Variants in BMAL1 observed in about 807,000 individuals in gnomAD.
BMAL1 encodes the protein basic helix-loop-helix ARNT like 1, also known as basic helix-loop-helix ARNT-like protein 1.
At chr11:13,339,726 C>G in the BMAL1 span, among the ~76,000 whole-genome samples, 13 of 152,264 alleles carry the variant, frequency 8.5e-5, no homozygotes, top group Admixed American at 7.8e-4. Context: ...CTCCTCCTGT[C>G]CAGCCTCCTT....
the BMAL1 span, among the ~76,000 whole-genome samples, chr11:13,371,545 G>A: frequency 6.6e-6 from 1 of 152,132 alleles, no homozygotes; most frequent in East Asian, 1.9e-4. Context: ...CTGTCTTCCA[G>A]TTCATACGTC....
At chr11:13,340,574 T>C in the BMAL1 span, among the ~76,000 whole-genome samples, 1 of 152,300 alleles carries the variant, frequency 6.6e-6, no homozygotes, top group Admixed American at 6.5e-5. Context: ...TATGAAATGC[T>C]GCGCTCTGGA....
At chr11:13,315,890 C>T in the BMAL1 span, among the ~76,000 whole-genome samples, 1 of 152,184 alleles carries the variant, frequency 6.6e-6, no homozygotes, top group Non-Finnish European at 1.5e-5. Context: ...AGAGCCAGCC[C>T]AGGCCTCCCC....
At chr11:13,346,216 C>T in the BMAL1 span, among the ~76,000 whole-genome samples, 1 of 152,238 alleles carries the variant, frequency 6.6e-6, no homozygotes, top group Non-Finnish European at 1.5e-5. Flanking sequence ...CACTTCTGCC[C>T]TCATTCACTG....
chr11:13,326,769 T>G, the BMAL1 span, among the ~76,000 whole-genome samples: 1 of 151,610 alleles, frequency 6.6e-6, no homozygotes, highest in Non-Finnish European at 1.5e-5. Flanking sequence ...AATACAGAGT[T>G]GTGATAAAAA....
the BMAL1 span, among the ~76,000 whole-genome samples, chr11:13,323,421 A>C: frequency 6.6e-6 from 1 of 152,192 alleles, no homozygotes; most frequent in Non-Finnish European, 1.5e-5. Context: ...ACTAAACAGA[A>C]GTCTTGATTT....
the BMAL1 span, chr11:13,381,202 T>G: frequency 6.2e-7 from 1 of 1,614,176 alleles, no homozygotes; most frequent in Non-Finnish European, 8.5e-7. Flanking sequence ...TCCAGCCCAT[T>G]GAACATCACG....
chr11:13,383,905 T>C, the BMAL1 span, among the ~76,000 whole-genome samples: 3 of 152,064 alleles, frequency 2.0e-5, no homozygotes, highest in East Asian at 5.8e-4. Context: ...AAAATGTCCA[T>C]CATTACTTTT....
At chr11:13,299,487 C>A in the BMAL1 span, among the ~76,000 whole-genome samples, 1 of 151,924 alleles carries the variant, frequency 6.6e-6, no homozygotes. Flanking sequence ...TAGGTAGGTG[C>A]CTTGGGAGGC....
chr11:13,372,657 AAAAT>A, the BMAL1 span, among the ~76,000 whole-genome samples: 1 of 152,052 alleles, frequency 6.6e-6, no homozygotes, highest in South Asian at 2.1e-4. Flanking sequence ...TAAAAATACA[AAAAT>A]TAGCCAGGCA....
the BMAL1 span, among the ~76,000 whole-genome samples, chr11:13,315,983 G>A: frequency 6.6e-6 from 1 of 152,220 alleles, no homozygotes; most frequent in African/African-American, 2.4e-5. Flanking sequence ...CAGCTGTGCT[G>A]AGGAAACATC....
the BMAL1 span, among the ~76,000 whole-genome samples, chr11:13,342,027 AGTGCTGG>A: frequency 6.6e-6 from 1 of 152,146 alleles, no homozygotes; most frequent in Non-Finnish European, 1.5e-5. Flanking sequence ...CCAGATGTTG[AGTGCTGG>A]GTGCCGGAGT....
chr11:13,381,274 G>C, the BMAL1 span: 9 of 1,611,162 alleles, frequency 5.6e-6, no homozygotes, highest in South Asian at 6.6e-5. Context: ...ATGATTCTTA[G>C]CCTAAGCTAG....
At chr11:13,363,140 ATATATATATATATATATATATATATATG>A in the BMAL1 span, among the ~76,000 whole-genome samples, 1 of 63,670 alleles carries the variant, frequency 1.6e-5, no homozygotes, top group Non-Finnish European at 3.4e-5. Context: ...ATATATATAT[ATATATATATATATATATATATATATATG>A]TAAAATAATT....
the BMAL1 span, among the ~76,000 whole-genome samples, chr11:13,294,834 G>A: frequency 6.6e-6 from 1 of 151,978 alleles, no homozygotes; most frequent in Admixed American, 6.6e-5. Context: ...TGGCTCTCTC[G>A]GGCCCCTGCC....
At chr11:13,371,583 A>T in the BMAL1 span, among the ~76,000 whole-genome samples, 1 of 152,232 alleles carries the variant, frequency 6.6e-6, no homozygotes, top group Middle Eastern at 3.4e-3. Context: ...TCCAAACCAC[A>T]ATTTGATTTT....
At chr11:13,376,733 CTA>C in the BMAL1 span, 55 of 1,612,798 alleles carry the variant, frequency 3.4e-5, no homozygotes, top group Admixed American at 4.0e-4. Flanking sequence ...GAGAAGGTAA[CTA>C]TGTGCTGCTG....
At chr11:13,381,462 T>C in the BMAL1 span, among the ~76,000 whole-genome samples, 1 of 152,174 alleles carries the variant, frequency 6.6e-6, no homozygotes, top group Non-Finnish European at 1.5e-5. Context: ...CTTTCTTCCA[T>C]GTGAGTGGAA....
the BMAL1 span, among the ~76,000 whole-genome samples, chr11:13,316,612 A>C: frequency 6.6e-6 from 1 of 152,188 alleles, no homozygotes; most frequent in East Asian, 1.9e-4. Context: ...CCAGCTGGGC[A>C]GGGGCCTTGG....
Sources: gnomAD v4.1 joint callset for allele counts (sites outside exome capture counted in the v4.1 genomes callset) on GRCh38, gnomAD v4.1.1 for gene constraint, MANE v1.5 for transcripts, NCBI Gene and HGNC (gene_info 2026-07-23, HGNC 2026-07-21) for gene names.